Variants in PCLO observed in about 807,000 individuals in gnomAD.
The protein encoded by PCLO is piccolo presynaptic cytomatrix protein, also known as protein piccolo.
In PCLO, 82 loss-of-function variants were observed where a neutral mutation model predicts 427.5. That is an observed-to-expected ratio of 0.19 (90% CI 0.16 to 0.23). The LOEUF is 0.23. Ranked by LOEUF, PCLO falls within the 10% of genes least tolerant of loss-of-function variation. The pLI is 1.00. For missense variants in PCLO, 6,239 were observed against 6,115.9 expected (o/e 1.02, Z -0.67); for synonymous variants, 2,357 against 2,155.4 (o/e 1.09, Z -2.59).
intron 9 of PCLO, among the ~76,000 whole-genome samples, chr7:82,891,712 C>G (rs936852379): frequency 1.3e-5 from 2 of 152,112 alleles, no homozygotes; most frequent in East Asian, 3.9e-4. Flanking sequence ...TACGTCCCAT[C>G]AATACCTAAT....
chr7:82,786,671 A>T (rs558849220), intron 22 of PCLO, among the ~76,000 whole-genome samples: 1 of 152,214 alleles, frequency 6.6e-6, no homozygotes, highest in East Asian at 1.9e-4. Context: ...TACACGTGCC[A>T]TGGTGGTTTG....
chr7:82,857,013 G>T (rs1188533634), intron 10 of PCLO, among the ~76,000 whole-genome samples: 1 of 152,066 alleles, frequency 6.6e-6, no homozygotes, highest in South Asian at 2.1e-4. Flanking sequence ...ACTTGAAAGA[G>T]CATGCCTCTT....
At chr7:82,943,383 C>G (rs1279105432) in intron 6 of PCLO, among the ~76,000 whole-genome samples, 1 of 152,172 alleles carries the variant, frequency 6.6e-6, no homozygotes, top group Admixed American at 6.5e-5. Context: ...TTAATTGTAG[C>G]TAATTTTTTT....
At position 82,775,927 on chromosome 7, in the gene PCLO, G is replaced by T. The variant is rs563297125; in HGVS notation, c.15008-14434C>A. The stretch of plus-strand genomic sequence containing the variant: ...CTTTTTTGCATGTGGAGGTCCAATT[G>T]TTCCAGCACCATTTGTGAATAGATA... On this transcript the variant is annotated intron_variant, in intron 22 of 24. Coordinates refer to ENST00000333891, the MANE Select transcript of PCLO (RefSeq NM_033026.6). 2.1e-3 allele frequency among the ~76,000 whole-genome samples: 313 copies of T among 152,176 alleles called. 1 individual carries two copies. The highest frequency in any genetic ancestry group is 6.8e-3 in the Middle Eastern group (2 of 294).
At chr7:83,116,626 C>A (rs1035209371) in intron 3 of PCLO, among the ~76,000 whole-genome samples, 1 of 152,138 alleles carries the variant, frequency 6.6e-6, no homozygotes, top group Non-Finnish European at 1.5e-5. Flanking sequence ...ACATGGTTAT[C>A]ATTTTTTGTG....
At chr7:82,837,654 T>C (rs1792263089) in intron 15 of PCLO, among the ~76,000 whole-genome samples, 1 of 152,002 alleles carries the variant, frequency 6.6e-6, no homozygotes, top group Non-Finnish European at 1.5e-5. Flanking sequence ...ACACAAGAGA[T>C]TCAAAGAGAT....
chr7:82,953,828 C>T lies in PCLO; in HGVS notation c.7125G>A (p.Gln2375=), dbSNP rs554606876. 11 of 1,612,198 alleles carry T rather than the reference C, an allele frequency of 6.8e-6. No homozygotes were observed. The highest frequency in any genetic ancestry group is 2.2e-5 in the East Asian group (1 of 44,774). ...AAACAGAAGGACTGCCAGATGGTAACTGAGATGCAGGTTTTTCCTGACCAA... is the reference window on the plus strand; with the variant it reads ...AAACAGAAGGACTGCCAGATGGTAATTGAGATGCAGGTTTTTCCTGACCAA... ...ETFGQEKPAS[Q]LPSGSPSVSS... Residue 2375 remains glutamine, a synonymous_variant, in exon 5 of 25, where the codon CAG becomes CAA. Coordinates refer to ENST00000333891, the MANE Select transcript of PCLO (RefSeq NM_033026.6).
chr7:83,038,872 C>A (rs118146279), intron 3 of PCLO, among the ~76,000 whole-genome samples: 2 of 152,110 alleles, frequency 1.3e-5, no homozygotes, highest in East Asian at 3.9e-4. Flanking sequence ...GGTTTGATTT[C>A]TCTAGATCCT....
chr7:83,159,017 A>C (rs1322620633), intron 1 of PCLO, among the ~76,000 whole-genome samples: 2 of 152,048 alleles, frequency 1.3e-5, no homozygotes, highest in Non-Finnish European at 2.9e-5. Context: ...CTTGTATACT[A>C]GACTGTGAAC....
chr7:82,825,800 A>AT (rs2115672136), intron 18 of PCLO, among the ~76,000 whole-genome samples: 1 of 148,176 alleles, frequency 6.7e-6, no homozygotes, highest in South Asian at 2.1e-4. Flanking sequence ...TATATAAAAT[A>AT]TATGTATATA....
intron 22 of PCLO, among the ~76,000 whole-genome samples, chr7:82,790,636 C>A (rs376757932): frequency 1.7e-4 from 26 of 152,164 alleles, no homozygotes; most frequent in African/African-American, 6.3e-4. Flanking sequence ...TGTTCATGAA[C>A]ATGTTTGTCT....
At chr7:83,063,560 G>A (rs1024217548) in intron 3 of PCLO, among the ~76,000 whole-genome samples, 1 of 152,048 alleles carries the variant, frequency 6.6e-6, no homozygotes, top group Non-Finnish European at 1.5e-5. Flanking sequence ...CTAGGCTGGT[G>A]CAAGTTTTCT....
intron 16 of PCLO, among the ~76,000 whole-genome samples, chr7:82,831,220 G>A (rs982509390): frequency 1.3e-5 from 2 of 151,978 alleles, no homozygotes; most frequent in South Asian, 2.1e-4. Context: ...AAATTAAGGC[G>A]TATTGTCAAA....
intron 10 of PCLO, among the ~76,000 whole-genome samples, chr7:82,849,880 A>T (rs974172503): frequency 6.6e-6 from 1 of 152,130 alleles, no homozygotes; most frequent in Non-Finnish European, 1.5e-5. Context: ...TATGATATGT[A>T]TTATTTAGTA....
intron 3 of PCLO, among the ~76,000 whole-genome samples, chr7:83,096,990 A>AATAATATAATATAT (rs1790586682): frequency 3.9e-5 from 1 of 25,626 alleles, no homozygotes; most frequent in Non-Finnish European, 5.7e-5. Flanking sequence ...TATATAAATA[A>AATAATATAATATAT]TATATATTAT....
chr7:82,866,623 T>C (rs560467308), intron 10 of PCLO, among the ~76,000 whole-genome samples: 32 of 150,238 alleles, frequency 2.1e-4, no homozygotes, highest in African/African-American at 7.6e-4. Context: ...AAAGGAATCT[T>C]ATTTTCCTTC....
intron 2 of PCLO, among the ~76,000 whole-genome samples, chr7:83,141,222 AT>A (rs1214814200): frequency 1.3e-5 from 2 of 152,180 alleles, no homozygotes. Flanking sequence ...CTACAACGAT[AT>A]CAATGTGTCC....
intron 3 of PCLO, among the ~76,000 whole-genome samples, chr7:83,086,971 A>G (rs540866208): frequency 1.1e-3 from 163 of 151,522 alleles, no homozygotes; most frequent in African/African-American, 3.8e-3. Flanking sequence ...CGCAAGGACA[A>G]AAAACCAAAC....
chr7:82,785,402 T>A (rs932955753), intron 22 of PCLO, among the ~76,000 whole-genome samples: 1 of 152,144 alleles, frequency 6.6e-6, no homozygotes, highest in East Asian at 1.9e-4. Flanking sequence ...GCCTGGTTTC[T>A]AACAGGCCAC....
Sources: allele counts gnomAD v4.1 joint callset (sites outside exome capture counted in the v4.1 genomes callset), GRCh38; gene constraint gnomAD v4.1.1; transcripts MANE v1.5; gene names NCBI Gene and HGNC (gene_info 2026-07-23, HGNC 2026-07-21).